Variants in COL6A5 observed in about 807,000 individuals in gnomAD.
COL6A5 encodes the protein collagen alpha-5(VI) chain.
In COL6A5, 48 loss-of-function variants were observed where a neutral mutation model predicts 65.6. The ratio of observed to expected loss-of-function variants is 0.73; its 90% CI spans 0.58 to 0.93. COL6A5 has a LOEUF of 0.93. Among genes scored for constraint, COL6A5 ranks in the 40% least tolerant of loss-of-function variants. The pLI is 0.00. For missense variants in COL6A5, 914 were observed against 928.3 expected (o/e 0.98, Z 0.20); for synonymous variants, 291 against 322.8 (o/e 0.90, Z 1.05).
intron 7 of COL6A5, among the ~76,000 whole-genome samples, chr3:130,473,074 A>T (rs2107618869): frequency 6.6e-6 from 1 of 151,552 alleles, no homozygotes; most frequent in African/African-American, 2.4e-5. Flanking sequence ...AATAAAATAC[A>T]AATTAAATAT....
upstream of COL6A5, among the ~76,000 whole-genome samples, chr3:130,431,034 TCTCC>T (rs1468470846): frequency 2.0e-5 from 3 of 152,194 alleles, no homozygotes; most frequent in African/African-American, 7.2e-5. Flanking sequence ...ATTTTCAAGA[TCTCC>T]AATAAGCTAT....
At chr3:130,379,720 G>C in exon 4 of COL6A5, 1 of 1,551,446 alleles carries the variant, frequency 6.4e-7, no homozygotes, top group Non-Finnish European at 8.7e-7. Context: ...GATGAGAAGA[G>C]ACGGCTTCTC....
At chr3:130,356,868 C>T (rs2107617192) in intron 1 of COL6A5, among the ~76,000 whole-genome samples, 1 of 152,150 alleles carries the variant, frequency 6.6e-6, no homozygotes, top group Middle Eastern at 3.4e-3. Flanking sequence ...AAATGCGTTG[C>T]CTCAAAAAGC....
At chr3:130,386,530 A>G (rs1936194247) in intron 5 of COL6A5, among the ~76,000 whole-genome samples, 1 of 152,096 alleles carries the variant, frequency 6.6e-6, no homozygotes, top group African/African-American at 2.4e-5. Context: ...CTAAGTAACA[A>G]TTTTGTTCAT....
upstream of COL6A5, chr3:130,431,406 TG>T: frequency 6.5e-7 from 1 of 1,535,558 alleles, no homozygotes; most frequent in Non-Finnish European, 8.8e-7. Flanking sequence ...AGTAAAGAGT[TG>T]GGGAAAGGAT....
chr3:130,377,914 G>T (rs1935844547), intron 3 of COL6A5, among the ~76,000 whole-genome samples: 1 of 152,130 alleles, frequency 6.6e-6, no homozygotes, highest in Non-Finnish European at 1.5e-5. Flanking sequence ...GAGTAGATTG[G>T]TAGATTTATG....
At chr3:130,396,359 C>T (rs182562280) in intron 8 of COL6A5, among the ~76,000 whole-genome samples, 12 of 152,264 alleles carry the variant, frequency 7.9e-5, no homozygotes. Flanking sequence ...GTCCCATTTG[C>T]GGTGCTCAAG....
At chr3:130,464,591 T>G (rs1016447174) in intron 5 of COL6A5, among the ~76,000 whole-genome samples, 1 of 152,082 alleles carries the variant, frequency 6.6e-6, no homozygotes, top group Non-Finnish European at 1.5e-5. Context: ...TTAGAAATGT[T>G]CATTTAATTA....
chr3:130,443,874 C>T (rs546863585), intron 4 of COL6A5, among the ~76,000 whole-genome samples: 1 of 152,274 alleles, frequency 6.6e-6, no homozygotes, highest in African/African-American at 2.4e-5. Flanking sequence ...CTTCTCATTT[C>T]TCCCAACCAT....
intron 1 of COL6A5, among the ~76,000 whole-genome samples, chr3:130,367,472 T>C (rs1316337371): frequency 2.0e-5 from 3 of 152,210 alleles, no homozygotes; most frequent in Admixed American, 2.0e-4. Context: ...TCTTCTCCTT[T>C]CTTCCTGAAT....
At chr3:130,388,606 A>G (rs891724775) in exon 6 of COL6A5, 1 of 1,546,632 alleles carries the variant, frequency 6.5e-7, no homozygotes, top group Middle Eastern at 1.7e-4. Flanking sequence ...GGCCGACATC[A>G]TGTTTCTGGT....
chr3:130,391,038 C>T (rs1477999222), intron 6 of COL6A5, 141 bp from the exon 7 acceptor site: 2 of 660,244 alleles, frequency 3.0e-6, no homozygotes, highest in Non-Finnish European at 5.2e-6. Context: ...AAAATGGCAG[C>T]AGCCACCTCT....
chr3:130,405,516 T>C, intron 13 of COL6A5, 72 bp from the exon 14 acceptor site: 2 of 1,076,230 alleles, frequency 1.9e-6, no homozygotes, highest in Non-Finnish European at 2.8e-6. Flanking sequence ...GTCTTAACTC[T>C]GTGAAAATAA....
exon 5 of COL6A5, chr3:130,384,847 T>C (rs1170473310): frequency 6.5e-6 from 10 of 1,549,844 alleles, no homozygotes; most frequent in South Asian, 1.2e-5. Flanking sequence ...TCCTCATTGA[T>C]GGCTCAAGCA....
chr3:130,415,177 C>T (rs938659767), intron 22 of COL6A5, among the ~76,000 whole-genome samples: 6 of 152,232 alleles, frequency 3.9e-5, no homozygotes, highest in African/African-American at 4.8e-5. Flanking sequence ...ATGAGAACCA[C>T]GTGTTTGATG....
chr3:130,395,401 A>G (rs772194800), exon 8 of COL6A5: 520 of 1,547,534 alleles, frequency 3.4e-4, no homozygotes, highest in Non-Finnish European at 4.3e-4. Context: ...ACTTTGATAA[A>G]TTAAAGAATG....
intron 6 of COL6A5, among the ~76,000 whole-genome samples, chr3:130,389,713 A>T (rs1422450105): frequency 1.3e-5 from 2 of 152,052 alleles, no homozygotes; most frequent in Admixed American, 1.3e-4. Context: ...TTTTCTGATT[A>T]CTTGGGGTCA....
At chr3:130,351,544 A>G (rs1934705449) in intron 1 of COL6A5, among the ~76,000 whole-genome samples, 1 of 152,242 alleles carries the variant, frequency 6.6e-6, no homozygotes, top group Non-Finnish European at 1.5e-5. Flanking sequence ...CAGCCAACAG[A>G]TATGTGAAAA....
intron 1 of COL6A5, among the ~76,000 whole-genome samples, chr3:130,365,125 T>C (rs1200077515): frequency 6.6e-6 from 1 of 152,204 alleles, no homozygotes; most frequent in East Asian, 1.9e-4. Flanking sequence ...ACTGTAGCAA[T>C]GCTGGCCTAA....
Sources: allele counts gnomAD v4.1 joint callset (sites outside exome capture counted in the v4.1 genomes callset), GRCh38; gene constraint gnomAD v4.1.1; transcripts MANE v1.5; gene names NCBI Gene and HGNC (gene_info 2026-07-23, HGNC 2026-07-21).